FBXL7: variants seen among roughly 807,000 people sequenced by gnomAD.
FBXL7 encodes F-box/LRR-repeat protein 7.
Under a neutral mutation model 38.3 loss-of-function variants are expected in FBXL7, and 12 were observed. That is an observed-to-expected ratio of 0.31 (90% confidence interval 0.20 to 0.51). FBXL7 has a LOEUF of 0.51. FBXL7 is among the 20% of genes least tolerant of loss of function. FBXL7 has a pLI of 0.98. For missense variants in FBXL7, 567 were observed against 676.4 expected (o/e 0.84, Z 1.79); for synonymous variants, 297 against 300.9 (o/e 0.99, Z 0.13).
intron 2 of FBXL7, among the ~76,000 whole-genome samples, chr5:15,785,920 G>A (rs533340759): frequency 7.9e-5 from 12 of 152,320 alleles, no homozygotes; most frequent in African/African-American, 2.4e-4. Context: ...AGTGGCATCT[G>A]TAAAGCAATG....
chr5:15,850,461 G>A (rs1185402516), intron 2 of FBXL7, among the ~76,000 whole-genome samples: 1 of 152,146 alleles, frequency 6.6e-6, no homozygotes, highest in East Asian at 1.9e-4. Flanking sequence ...AATCAGCCCT[G>A]GGTCTTTGTG....
intron 1 of FBXL7, among the ~76,000 whole-genome samples, chr5:15,549,196 A>G (rs1434324215): frequency 6.6e-6 from 1 of 152,228 alleles, no homozygotes; most frequent in Non-Finnish European, 1.5e-5. Context: ...AAGCTAATAC[A>G]TGAGGCATAG....
chr5:15,560,701 C>T (rs1395225030), intron 1 of FBXL7, among the ~76,000 whole-genome samples: 1 of 152,176 alleles, frequency 6.6e-6, no homozygotes, highest in Non-Finnish European at 1.5e-5. Context: ...TCTCTTTCAA[C>T]TTCCCTCTGT....
At chr5:15,698,005 A>G (rs1049715428) in intron 2 of FBXL7, among the ~76,000 whole-genome samples, 3 of 152,248 alleles carry the variant, frequency 2.0e-5, no homozygotes, top group Admixed American at 1.3e-4. Flanking sequence ...GATGATTCAC[A>G]ATCCTTATAA....
intron 2 of FBXL7, among the ~76,000 whole-genome samples, chr5:15,762,117 A>G (rs540325064): frequency 4.6e-5 from 7 of 152,166 alleles, no homozygotes; most frequent in African/African-American, 7.2e-5. Flanking sequence ...CTGGGAGGGG[A>G]TCTGCTTCTA....
At chr5:15,821,044 A>T (rs1738155634) in intron 2 of FBXL7, among the ~76,000 whole-genome samples, 1 of 152,158 alleles carries the variant, frequency 6.6e-6, no homozygotes, top group Non-Finnish European at 1.5e-5. Flanking sequence ...TCCTGATGGC[A>T]AGGATACCGC....
chr5:15,799,927 G>GT (rs61099822), intron 2 of FBXL7, among the ~76,000 whole-genome samples: 86,868 of 151,190 alleles, frequency 0.57, 25,386 homozygotes, highest in Non-Finnish European at 0.64. Context: ...GTCATAAAGT[G>GT]TTTTTTTTTA....
chr5:15,886,930 C>T (rs999199689), intron 2 of FBXL7, among the ~76,000 whole-genome samples: 13 of 152,140 alleles, frequency 8.5e-5, no homozygotes, highest in Admixed American at 8.5e-4. Flanking sequence ...TTACATTGAG[C>T]AAGTTCATTG....
rs548175115 is a variant in FBXL7 at position 15,505,750 on chromosome 5, A to G, written c.37+5037A>G. 4.0e-4 allele frequency among the ~76,000 whole-genome samples: 61 copies of G among 152,330 alleles called. 1 individual carries two copies. The highest frequency in any genetic ancestry group is 2.9e-3 in the South Asian group (14 of 4,826). ...GCATTTAGACCAAGACCTGAAGGACATGATGGGCTGAGCTTTGAGGATCCA... is the reference window on the plus strand; with the variant it reads ...GCATTTAGACCAAGACCTGAAGGACGTGATGGGCTGAGCTTTGAGGATCCA... On this transcript the variant is annotated intron_variant, in intron 1 of 3. Transcript: ENST00000504595.
intron 2 of FBXL7, among the ~76,000 whole-genome samples, chr5:15,820,418 G>A (rs257749): frequency 5.9e-5 from 9 of 151,732 alleles, no homozygotes; most frequent in African/African-American, 2.2e-4. Flanking sequence ...GTCTTACCCC[G>A]CCTTTCACTG....
intron 2 of FBXL7, among the ~76,000 whole-genome samples, chr5:15,875,280 G>A (rs571297106): frequency 6.6e-6 from 1 of 152,140 alleles, no homozygotes; most frequent in Non-Finnish European, 1.5e-5. Context: ...GATTAAAGAT[G>A]TAAACATAAG....
chr5:15,845,278 C>T (rs1035018707), intron 2 of FBXL7, among the ~76,000 whole-genome samples: 4 of 152,166 alleles, frequency 2.6e-5, no homozygotes, highest in African/African-American at 9.7e-5. Context: ...TTGACTGTTT[C>T]TAGTTTGTCT....
At chr5:15,749,144 C>CTG (rs1353689349) in intron 2 of FBXL7, among the ~76,000 whole-genome samples, 1 of 148,106 alleles carries the variant, frequency 6.8e-6, no homozygotes, top group African/African-American at 2.5e-5. Context: ...ACTTGGGAGG[C>CTG]TGAGGCAGGA....
At chr5:15,772,991 C>G (rs929680396) in intron 2 of FBXL7, among the ~76,000 whole-genome samples, 5 of 151,956 alleles carry the variant, frequency 3.3e-5, no homozygotes, top group African/African-American at 4.8e-5. Context: ...ACCTCCTGGG[C>G]TCAAGCGATC....
In FBXL7 at chr5:15,636,582, A is replaced by G. The variant is rs562760044; in HGVS notation, c.127+20510A>G. On this transcript the variant is annotated intron_variant, in intron 2 of 3. Coordinates refer to ENST00000504595, the MANE Select transcript of FBXL7 (RefSeq NM_012304.5). ...TAGAAAAAGTAGATTAAAGCAGGGA[A>G]TCATTTATAGTTTAGTATGTATACT... Among the ~76,000 whole-genome samples the G allele has an allele frequency of 9.8e-5, 15 of 152,286 alleles. No individual in the cohort carries two copies. In the South Asian group the frequency reaches 2.1e-3, roughly 21 times the overall value.
rs1478765215 is a variant in FBXL7, at chr5:15,936,360, G to A, written c.740-90G>A. The A allele has an allele frequency of 1.3e-6, 2 of 1,481,564 alleles. No homozygotes were observed. The highest frequency in any genetic ancestry group is 1.8e-6 in the Non-Finnish European group (2 of 1,106,806). The allele number at this position is 1,481,564 out of a possible 1,614,324, so 91.8% of individuals were successfully genotyped here. Reference sequence around the variant, plus strand: ...AACATCAGCCTCGGACCCAGACTTGGGCGAGGGTCAGGAATGCCCCAGGGC... The same window carrying A: ...AACATCAGCCTCGGACCCAGACTTGAGCGAGGGTCAGGAATGCCCCAGGGC... On this transcript the variant is annotated intron_variant, in intron 3 of 3. Transcript: ENST00000504595. This position sits in a 1 kb window ranked among gnomAD's most constrained non-coding sequence, Gnocchi z 6.0.
At position 15,570,075 on chromosome 5, in the gene FBXL7, G is replaced by C. The variant is rs1019829449; in HGVS notation, c.38-45908G>C. Reference sequence around the variant, plus strand: ...TCTTTTTTTGTTGTGTCTCTGCCAGGCTTTGGTATCAGGATGGTGCTGGCC... The same window carrying C: ...TCTTTTTTTGTTGTGTCTCTGCCAGCCTTTGGTATCAGGATGGTGCTGGCC... On this transcript the variant is annotated intron_variant, in intron 1 of 3. Transcript: ENST00000504595. Among the ~76,000 whole-genome samples, 5 of 152,276 alleles carry C rather than the reference G, an allele frequency of 3.3e-5. No individual in the cohort carries two copies. The South Asian group carries it at 1.0e-3, about 32-fold the overall frequency.
intron 2 of FBXL7, among the ~76,000 whole-genome samples, chr5:15,724,390 A>G (rs1226714248): frequency 1.3e-5 from 2 of 152,222 alleles, no homozygotes; most frequent in African/African-American, 2.4e-5. Context: ...TTGTATGTAT[A>G]GCATGATAAA....
chr5:15,609,729 G>C (rs532799942), intron 1 of FBXL7, among the ~76,000 whole-genome samples: 5 of 152,294 alleles, frequency 3.3e-5, no homozygotes, highest in Admixed American at 1.3e-4. Flanking sequence ...AGACTGCCCT[G>C]AGCTGGACTG....
Sources: allele counts gnomAD v4.1 joint callset (sites outside exome capture counted in the v4.1 genomes callset), GRCh38; gene constraint gnomAD v4.1.1; non-coding constraint Gnocchi (gnomAD v3.1); transcripts MANE v1.5; gene names NCBI Gene and HGNC (gene_info 2026-07-23, HGNC 2026-07-21).